The following NSMCE1 variants were observed in gnomAD, a reference collection of about 807,000 sequenced individuals.
NSMCE1 encodes the protein NSE1 component of SMC5/6 complex, also known as non-structural maintenance of chromosomes element 1 homolog.
NSMCE1 carries 18 observed loss-of-function variants against 29.6 expected under a neutral mutation model. The ratio of observed to expected loss-of-function variants is 0.61; its 90% confidence interval spans 0.42 to 0.90. The LOEUF (loss-of-function observed/expected upper bound fraction) is 0.90, where lower values mean the gene tolerates loss of function less well. Among genes scored for constraint, NSMCE1 ranks in the 40% least tolerant of loss-of-function variants. The probability of loss-of-function intolerance (pLI) is 0.00; values close to 1 mark genes in which losing one functional copy is unlikely to be tolerated. For missense variants in NSMCE1, 314 were observed against 343.6 expected, an observed-to-expected ratio of 0.91 and a Z score of 0.68; for synonymous variants, 124 against 133.4, an observed-to-expected ratio of 0.93 and a Z score of 0.49.
At chr16:27,263,739 C>T (rs2084189091) in intron 1 of NSMCE1, among the ~76,000 whole-genome samples, 1 of 152,060 alleles carries the variant, frequency 6.6e-6, no homozygotes, top group Admixed American at 6.5e-5. Flanking sequence ...GCAGAATATA[C>T]AATTGATAAA....
intron 2 of NSMCE1, among the ~76,000 whole-genome samples, chr16:27,257,183 C>T (rs914150322): frequency 6.6e-6 from 1 of 152,174 alleles, no homozygotes; most frequent in East Asian, 1.9e-4. Flanking sequence ...GTCCTGGAGG[C>T]TTGGTGTGAA....
intron 5 of NSMCE1, among the ~76,000 whole-genome samples, chr16:27,228,809 C>T (rs2083732164): frequency 6.7e-6 from 1 of 149,660 alleles, no homozygotes; most frequent in Non-Finnish European, 1.5e-5. Context: ...CACCCCACAC[C>T]CCCAACCACC....
chr16:27,260,093 A>C (rs1185143916), intron 1 of NSMCE1, among the ~76,000 whole-genome samples: 2 of 152,262 alleles, frequency 1.3e-5, no homozygotes, highest in Non-Finnish European at 2.9e-5. Context: ...AGAGCAAAAA[A>C]AGTTGGTAAA....
chr16:27,250,387 C>T lies in NSMCE1; in HGVS notation c.136+7048G>A, dbSNP rs535623891. Among the ~76,000 whole-genome samples the T allele has an allele frequency of 2.8e-4, 42 of 152,244 alleles. 1 individual carries two copies. In the South Asian group the frequency reaches 8.3e-3, roughly 30 times the overall value. ...TGTTAGCTGTAGGTTTTACAGAGAT[C>T]CCCTTTATCAGGTTAAGGAAGTTCC... On this transcript the variant is annotated intron_variant, in intron 2 of 7. Coordinates refer to ENST00000361439, the MANE Select transcript of NSMCE1 (RefSeq NM_145080.4).
rs910649153 is a variant in NSMCE1 at position 27,226,719 on chromosome 16, C to A, written c.600+1G>T. On this transcript the variant is annotated splice_donor_variant, in intron 6 of 7. Coordinates refer to ENST00000361439, the MANE Select transcript of NSMCE1 (RefSeq NM_145080.4). LOFTEE classifies it high-confidence loss of function. ...GCTCCCGTGCCCTGCCCTGCGGGTA[C>A]CTGGATGAGGAGGCTGTGACAGATA... is the stretch of plus-strand genomic sequence containing the variant. The A allele has an allele frequency of 4.4e-6, 7 of 1,602,252 alleles. No individual in the cohort carries two copies. In the Admixed American group the frequency reaches 8.3e-5, roughly 19 times the overall value.
chr16:27,225,899 G>A, intron 6 of NSMCE1, 53 bp from the exon 7 acceptor site: 1 of 1,604,414 alleles, frequency 6.2e-7, no homozygotes, highest in Non-Finnish European at 8.5e-7. Flanking sequence ...TCCATGTTCT[G>A]CAAACCTCCG....
chr16:27,250,736 C>G (rs545691647), intron 2 of NSMCE1, among the ~76,000 whole-genome samples: 1 of 151,048 alleles, frequency 6.6e-6, no homozygotes, highest in Non-Finnish European at 1.5e-5. Flanking sequence ...GAGGTTGTAG[C>G]GAGCTGAGAT....
chr16:27,236,914 A>C (rs1039347783), intron 2 of NSMCE1, among the ~76,000 whole-genome samples: 2 of 152,090 alleles, frequency 1.3e-5, no homozygotes, highest in Non-Finnish European at 2.9e-5. Flanking sequence ...AGACAGAGGC[A>C]TTTCTAAGCT....
chr16:27,226,755 T>C lies in NSMCE1; in HGVS notation c.565A>G (p.Lys189Glu). 6.2e-7 allele frequency: 1 copy of C among 1,613,788 alleles called. No individual in the cohort carries two copies. The highest frequency in any genetic ancestry group is 8.5e-7 in the Non-Finnish European group (1 of 1,179,722). ...AGGCTGTGACAGATATTGCAGATCT[T>C]CACCGCGTCGGGGTACGTCTCCCGG... ...YIRETYPDAV[K>E]ICNICHSLLI... The change falls in exon 6 of 8, where the codon AAG (lysine) becomes GAG (glutamate). Residue 189 changes from lysine (K) to glutamate (E), a missense_variant. Lys to Glu is a moderately conservative substitution (Grantham distance 56). Coordinates refer to ENST00000361439, the MANE Select transcript of NSMCE1 (RefSeq NM_145080.4).
rs567827350 is a variant in NSMCE1 at position 27,225,671 on chromosome 16, G to A, written c.721+55C>T. 15 of 1,607,208 alleles carry A rather than the reference G, an allele frequency of 9.3e-6. No homozygotes were observed. The East Asian group carries it at 3.1e-4, about 33-fold the overall frequency. On this transcript the variant is annotated intron_variant, in intron 7 of 7. Transcript: ENST00000361439. ...GTCTCCAAGGGCTTCCCTGGCACCA[G>A]GCCCCACGTCCTGCTGGCCCAGCCC...
intron 2 of NSMCE1, among the ~76,000 whole-genome samples, chr16:27,248,936 C>G (rs949760638): frequency 1.3e-5 from 2 of 152,148 alleles, no homozygotes; most frequent in Non-Finnish European, 2.9e-5. Context: ...TCAAGCAACC[C>G]TCCCACATCA....
At chr16:27,256,411 T>C (rs1332769372) in intron 2 of NSMCE1, among the ~76,000 whole-genome samples, 1 of 152,220 alleles carries the variant, frequency 6.6e-6, no homozygotes, top group African/African-American at 2.4e-5. Context: ...CCCACTCTGC[T>C]TCTCCTCACA....
chr16:27,248,152 C>T (rs1255871027), intron 2 of NSMCE1, among the ~76,000 whole-genome samples: 2 of 152,124 alleles, frequency 1.3e-5, no homozygotes, highest in South Asian at 2.1e-4. Context: ...AATAAAGATA[C>T]TCTATCTCTG....
rs7195194 is a variant in NSMCE1, at chr16:27,257,458, G to A, written c.113C>T (p.Thr38Met). The A allele has an allele frequency of 3.8e-5, 62 of 1,613,084 alleles. No individual in the cohort carries two copies. In the East Asian group the frequency reaches 5.1e-4, roughly 13 times the overall value. ...ACGGTCATGGACCTTGTAGCAGTGC[G>A]TCTGCAAGCGCTTCACGTCCCATTC... ...LEEWDVKRLQTHCYKVHDRNA... is the reference protein window; with the variant it reads ...LEEWDVKRLQMHCYKVHDRNA... The change falls in exon 2 of 8, where the codon ACG becomes ATG. Residue 38 changes from threonine (T) to methionine (M), a missense_variant. Thr to Met is a moderately conservative substitution (Grantham distance 81, BLOSUM62 -1). Transcript: ENST00000361439.
rs1158644748 is a variant in NSMCE1, at chr16:27,232,765, T to C, written c.483+236A>G. Reference sequence around the variant, plus strand: ...AGTCCCTGGGCGCGGCTCCTGGCTCTGCCATTCTGGCTGTGGCATCCTGAA... The same window carrying C: ...AGTCCCTGGGCGCGGCTCCTGGCTCCGCCATTCTGGCTGTGGCATCCTGAA... On this transcript the variant is annotated intron_variant, in intron 5 of 7. Coordinates refer to ENST00000361439, the MANE Select transcript of NSMCE1 (RefSeq NM_145080.4). The surrounding 1 kb of genome is among the most constrained non-coding windows in gnomAD (Gnocchi z 4.5). Among the ~76,000 whole-genome samples, 1 of 152,230 alleles carries C rather than the reference T, an allele frequency of 6.6e-6. No individual in the cohort carries two copies. The highest frequency in any genetic ancestry group is 1.9e-4 in the East Asian group (1 of 5,204).
chr16:27,242,133 C>G (rs1347252503), intron 2 of NSMCE1, among the ~76,000 whole-genome samples: 1 of 152,186 alleles, frequency 6.6e-6, no homozygotes, highest in Admixed American at 6.5e-5. Flanking sequence ...GTATCAGTCT[C>G]TCCACTTTTC....
intron 7 of NSMCE1, 104 bp downstream of exon 7, chr16:27,225,622 C>T: frequency 7.2e-7 from 1 of 1,380,002 alleles, no homozygotes; most frequent in Non-Finnish European, 9.9e-7. Flanking sequence ...GACCCCCACA[C>T]ACCCTGGAGC....
chr16:27,233,227 A>G (rs28456036), intron 4 of NSMCE1, 80 bp from the exon 5 acceptor site: 730,847 of 1,304,128 alleles, frequency 0.56, 209,666 homozygotes, highest in East Asian at 0.88. Context: ...AGTCTGGCAG[A>G]GGCACAGTAA....
intron 2 of NSMCE1, among the ~76,000 whole-genome samples, chr16:27,238,642 A>C (rs2083854805): frequency 6.6e-6 from 1 of 151,968 alleles, no homozygotes; most frequent in South Asian, 2.1e-4. Flanking sequence ...AGAAAGCTGA[A>C]GGGACCAGAG....
Sources: allele counts gnomAD v4.1 joint callset (sites outside exome capture counted in the v4.1 genomes callset), GRCh38; gene constraint gnomAD v4.1.1; non-coding constraint Gnocchi (gnomAD v3.1); transcripts MANE v1.5; gene names NCBI Gene and HGNC (gene_info 2026-07-23, HGNC 2026-07-21).